The following TMEM8B variants were observed in gnomAD, a reference collection of about 807,000 sequenced individuals.
The protein encoded by TMEM8B is nasopharyngeal carcinoma expressed 6.
A neutral mutation model predicts 49.3 loss-of-function variants in TMEM8B; 29 were observed. That is an observed-to-expected ratio of 0.59 (90% CI 0.44 to 0.80). The LOEUF (loss-of-function observed/expected upper bound fraction) is 0.80, where lower values mean the gene tolerates loss of function less well. TMEM8B is among the 30% of genes least tolerant of loss of function. The pLI is 0.00. For synonymous variants in TMEM8B, 264 were observed against 272.8 expected (o/e 0.97, Z 0.32); for missense variants, 575 against 658.5 (o/e 0.87, Z 1.39).
chr9:35,829,551 G>T lies in TMEM8B; in HGVS notation c.104G>T (p.Gly35Val). 1 of 397,816 alleles carries T rather than the reference G, an allele frequency of 2.5e-6. No homozygotes were observed. Among genetic ancestry groups the T allele is most frequent in the Non-Finnish European group, 4.4e-6 (1 of 225,880 alleles). 24.6% of individuals were successfully genotyped at this position (397,816 alleles called of 1,614,324 possible). ...RFPHRPQPLPGSPSRTPFQSL... is the reference protein window; with the variant it reads ...RFPHRPQPLPVSPSRTPFQSL... ...CCACATCGGCCCCAGCCCCTGCCTG[G>T]GTCCCCATCCAGGACCCCCTTCCAG... Residue 35 changes from glycine to valine, a missense_variant, in exon 1 of 13, where the codon GGG (glycine) becomes GTG (valine). Physicochemically the swap from Gly to Val is moderately radical, Grantham distance 109 (BLOSUM62 -3). Transcript: ENST00000643932.
intron 10 of TMEM8B, among the ~76,000 whole-genome samples, chr9:35,848,791 C>T (rs1312068395): frequency 6.6e-6 from 1 of 151,252 alleles, no homozygotes; most frequent in Non-Finnish European, 1.5e-5. Flanking sequence ...TCTCCTGCCT[C>T]AGCCTCCTGA....
chr9:35,836,114 G>A (rs1308996803), intron 3 of TMEM8B, among the ~76,000 whole-genome samples: 3 of 152,192 alleles, frequency 2.0e-5, no homozygotes, highest in Non-Finnish European at 4.4e-5. Context: ...GGTGAATAGT[G>A]CCTTTGAATG....
intron 7 of TMEM8B, 38 bp downstream of exon 7, chr9:35,846,106 G>A (rs1438621022): frequency 6.2e-7 from 1 of 1,612,112 alleles, no homozygotes; most frequent in African/African-American, 1.3e-5. Flanking sequence ...AAGCTGCAGT[G>A]TGGGGGTGGT....
intron 3 of TMEM8B, among the ~76,000 whole-genome samples, chr9:35,838,827 G>A (rs1180299394): frequency 1.3e-5 from 2 of 152,064 alleles, no homozygotes; most frequent in Non-Finnish European, 2.9e-5. Flanking sequence ...GATTTTTCTT[G>A]TCTCCTTATT....
At position 35,864,365 on chromosome 9, in the gene TMEM8B, G is replaced by T. The variant is rs1343929748; in HGVS notation, c.*10525G>T. On this transcript the variant is annotated 3_prime_UTR_variant, in exon 13 of 13. Transcript: ENST00000643932. The stretch of plus-strand genomic sequence containing the variant: ...AATTATTTTAAAAGAAAAGATAGGG[G>T]CATAACAAGAAGAAAGCTTCGGTTA... The T allele has an allele frequency of 6.6e-6, 1 of 152,160 alleles. No individual in the cohort carries two copies. The highest frequency in any genetic ancestry group is 6.5e-5 in the Admixed American group (1 of 15,276). The allele number at this position is 152,160 out of a possible 1,614,324, so 9.4% of individuals were successfully genotyped here. A position where few individuals can be genotyped will look rare whatever the true frequency, so the allele number is the denominator to read the frequency against.
At chr9:35,847,825 G>A (rs935395016) in intron 10 of TMEM8B, among the ~76,000 whole-genome samples, 4 of 152,100 alleles carry the variant, frequency 2.6e-5, no homozygotes, top group South Asian at 2.1e-4. Flanking sequence ...ATAAGCAAGC[G>A]TCCAGAAACT....
At chr9:35,852,682 C>T in intron 10 of TMEM8B, 145 bp from the exon 11 acceptor site, 1 of 918,202 alleles carries the variant, frequency 1.1e-6, no homozygotes, top group Admixed American at 2.1e-5. Flanking sequence ...TTTGGGGAGT[C>T]AGGCATTTCC....
At chr9:35,838,569 C>A (rs939199396) in intron 3 of TMEM8B, among the ~76,000 whole-genome samples, 2 of 152,112 alleles carry the variant, frequency 1.3e-5, no homozygotes, top group African/African-American at 4.8e-5. Context: ...TTCAGCCAGT[C>A]CTAATTTCTT....
chr9:35,864,724 A>G lies in TMEM8B; in HGVS notation c.*10884A>G, dbSNP rs1193712879. ...ATATTTTGGCTTTTAAATGTTTTAA[A>G]TGATTTCTTGAGAATAAGCAATGGG... On this transcript the variant is annotated 3_prime_UTR_variant, in exon 13 of 13. Coordinates refer to ENST00000643932, the MANE Select transcript of TMEM8B (RefSeq NM_001042590.4). 1 of 152,268 alleles carries G rather than the reference A, an allele frequency of 6.6e-6. No individual in the cohort carries two copies. Among genetic ancestry groups the G allele is most frequent in the Admixed American group, 6.5e-5 (1 of 15,280 alleles). The allele number at this position is 152,268 out of a possible 1,614,324, so 9.4% of individuals were successfully genotyped here.
At chr9:35,845,489 T>C in intron 6 of TMEM8B, 1 of 985,454 alleles carries the variant, frequency 1.0e-6, no homozygotes, top group Non-Finnish European at 1.2e-6. Flanking sequence ...ATTTAATCTC[T>C]TGGGCATTCT....
rs1190819990 is a variant in TMEM8B at position 35,857,374 on chromosome 9, A to C, written c.*3534A>C. On this transcript the variant is annotated 3_prime_UTR_variant, in exon 13 of 13. Transcript: ENST00000643932. ...TGTAGGATGTAAAGAGAGCGATCTCAAAGTGCAATGGGAAAGGATGCATGA... is the reference window on the plus strand; with the variant it reads ...TGTAGGATGTAAAGAGAGCGATCTCCAAGTGCAATGGGAAAGGATGCATGA... 1 of 152,280 alleles carries C rather than the reference A, an allele frequency of 6.6e-6. No homozygotes were observed. The highest frequency in any genetic ancestry group is 1.5e-5 in the Non-Finnish European group (1 of 68,058). 9.4% of individuals were successfully genotyped at this position (152,280 alleles called of 1,614,324 possible). A position where few individuals can be genotyped will look rare whatever the true frequency, so the allele number is the denominator to read the frequency against.
intron 10 of TMEM8B, 121 bp downstream of exon 10, chr9:35,847,116 C>T (rs766831029): frequency 1.4e-5 from 22 of 1,614,118 alleles, no homozygotes; most frequent in African/African-American, 4.0e-5. Flanking sequence ...GTGTCTTCTA[C>T]AGACAGAGAC....
chr9:35,845,956 C>G lies in TMEM8B; in HGVS notation c.1636-19C>G. On this transcript the variant is annotated intron_variant, in intron 6 of 12. Transcript: ENST00000643932. ...GATGGAGGATGTGGCGGCCTCACTT[C>G]CATACCTGCCCTCCCCAGAGCTCCG... 6.2e-7 allele frequency: 1 copy of G among 1,613,558 alleles called. No individual in the cohort carries two copies. Among genetic ancestry groups the G allele is most frequent in the Non-Finnish European group, 8.5e-7 (1 of 1,179,696 alleles).
At position 35,846,588 on chromosome 9, in the gene TMEM8B, A is replaced by G. The variant is rs891133700; in HGVS notation, c.1973A>G (p.Tyr658Cys). The change falls in exon 9 of 13, where the codon TAC becomes TGC. Residue 658 changes from tyrosine to cysteine, a missense_variant. Coordinates refer to ENST00000643932, the MANE Select transcript of TMEM8B (RefSeq NM_001042590.4). Reference sequence around the variant, plus strand: ...CTGCTGCGCACACACAATTATCTGTACGCAGCCTGCGAGTGCAAGGCCGGT... The same window carrying G: ...CTGCTGCGCACACACAATTATCTGTGCGCAGCCTGCGAGTGCAAGGCCGGT... ...CKLLRTHNYL[Y>C]AACECKAGWR... The G allele has an allele frequency of 1.3e-6, 2 of 1,571,512 alleles. No individual in the cohort carries two copies. Among genetic ancestry groups the G allele is most frequent in the Non-Finnish European group, 1.7e-6 (2 of 1,158,274 alleles).
rs1487493891 is a variant in TMEM8B at position 35,861,751 on chromosome 9, C to G, written c.*7911C>G. The stretch of plus-strand genomic sequence containing the variant: ...CCTGAAGGTGCTGCCCCGGGGGGTG[C>G]AATGACCTGTTACTGAGGCTGGATG... On this transcript the variant is annotated 3_prime_UTR_variant, in exon 13 of 13. Transcript: ENST00000643932. 6.6e-6 allele frequency: 1 copy of G among 152,242 alleles called. No homozygotes were observed. The highest frequency in any genetic ancestry group is 1.5e-5 in the Non-Finnish European group (1 of 68,094). 9.4% of individuals were successfully genotyped at this position (152,242 alleles called of 1,614,324 possible). A position where few individuals can be genotyped will look rare whatever the true frequency, so the allele number is the denominator to read the frequency against.
intron 6 of TMEM8B, among the ~76,000 whole-genome samples, chr9:35,844,163 C>T (rs929802680): frequency 2.6e-5 from 4 of 152,316 alleles, no homozygotes; most frequent in East Asian, 1.9e-4. Flanking sequence ...GGTGCCAATT[C>T]GCATCTTGCA....
intron 3 of TMEM8B, among the ~76,000 whole-genome samples, chr9:35,840,418 T>C (rs1416401211): frequency 6.6e-6 from 1 of 152,152 alleles, no homozygotes; most frequent in Non-Finnish European, 1.5e-5. Flanking sequence ...TCAGCAAACA[T>C]TCATCTGTGA....
At chr9:35,850,693 A>T (rs2132383334) in intron 10 of TMEM8B, among the ~76,000 whole-genome samples, 1 of 152,298 alleles carries the variant, frequency 6.6e-6, no homozygotes, top group South Asian at 2.1e-4. Context: ...GCCCTCAATT[A>T]TTCCCCTAGA....
chr9:35,848,064 A>C (rs1394459284), intron 10 of TMEM8B, among the ~76,000 whole-genome samples: 1 of 152,228 alleles, frequency 6.6e-6, no homozygotes, highest in Non-Finnish European at 1.5e-5. Flanking sequence ...ATCCTGCATT[A>C]CTAGGTCAGA....
Sources: allele counts gnomAD v4.1 joint callset (sites outside exome capture counted in the v4.1 genomes callset), GRCh38; gene constraint gnomAD v4.1.1; transcripts MANE v1.5; gene names NCBI Gene and HGNC (gene_info 2026-07-23, HGNC 2026-07-21).